Variants in GALNT12 observed in about 807,000 individuals in gnomAD.
GALNT12 encodes the protein UDP-GalNAc:polypeptide N-acetylgalactosaminyltransferase 12.
In GALNT12, 45 loss-of-function variants were observed where a neutral mutation model predicts 55.5. That is an observed-to-expected ratio of 0.81 (90% confidence interval 0.64 to 1.04). The LOEUF is 1.04. Among genes scored for constraint, GALNT12 ranks in the 50% least tolerant of loss-of-function variants. GALNT12 has a pLI of 0.00. For synonymous variants in GALNT12, 304 were observed against 312.2 expected (o/e 0.97, Z 0.28); for missense variants, 709 against 754.8 (o/e 0.94, Z 0.71).
intron 3 of GALNT12, 118 bp from the exon 4 acceptor site, chr9:98,831,654 C>A: frequency 1.7e-6 from 2 of 1,164,412 alleles, no homozygotes; most frequent in Non-Finnish European, 1.3e-6. Flanking sequence ...GCAGGTCTTT[C>A]TCAGATGTTC....
At chr9:98,831,715 G>T (rs1462541143) in intron 3 of GALNT12, 57 bp from the exon 4 acceptor site, 4 of 1,597,192 alleles carry the variant, frequency 2.5e-6, no homozygotes, top group Non-Finnish European at 3.4e-6. Flanking sequence ...TTTCCCAATT[G>T]TCTTCCTGCT....
chr9:98,831,088 G>A (rs1835982625), intron 3 of GALNT12, among the ~76,000 whole-genome samples: 1 of 152,216 alleles, frequency 6.6e-6, no homozygotes, highest in Non-Finnish European at 1.5e-5. Flanking sequence ...ATAATGTGGA[G>A]AGAACCGTTG....
At chr9:98,845,568 G>A (rs1836391254) in intron 8 of GALNT12, among the ~76,000 whole-genome samples, 1 of 152,112 alleles carries the variant, frequency 6.6e-6, no homozygotes, top group Admixed American at 6.5e-5. Flanking sequence ...GTCATATTGG[G>A]GGTTTGGGAG....
At position 98,849,883 on chromosome 9, in the gene GALNT12, T is replaced by C; in HGVS notation, c.*791T>C. On this transcript the variant is annotated 3_prime_UTR_variant, in exon 10 of 10. Transcript: ENST00000375011. Reference sequence around the variant, plus strand: ...GGTAGTGTCAGGGAGAAATGTAATGTTCTATATGAAATTCCTTTTTCAAGT... The same window carrying C: ...GGTAGTGTCAGGGAGAAATGTAATGCTCTATATGAAATTCCTTTTTCAAGT... The C allele has an allele frequency of 7.0e-6, 2 of 284,382 alleles. No homozygotes were observed. Among genetic ancestry groups the C allele is most frequent in the Non-Finnish European group, 1.3e-5 (2 of 154,014 alleles). The allele number at this position is 284,382 out of a possible 1,614,324, so 17.6% of individuals were successfully genotyped here.
rs2118526902 is a variant in GALNT12, at chr9:98,849,563, A to G, written c.*471A>G. The G allele has an allele frequency of 2.2e-6, 1 of 451,784 alleles. No individual in the cohort carries two copies. Among genetic ancestry groups the G allele is most frequent in the South Asian group, 6.5e-5 (1 of 15,348 alleles). 28.0% of individuals were successfully genotyped at this position (451,784 alleles called of 1,614,324 possible). A position where few individuals can be genotyped will look rare whatever the true frequency, so the allele number is the denominator to read the frequency against. ...TCAGCTGCGGGGTTAAAGTTTTCCCAGTATAGAGAGACTGTCACTAGGAAC... is the reference window on the plus strand; with the variant it reads ...TCAGCTGCGGGGTTAAAGTTTTCCCGGTATAGAGAGACTGTCACTAGGAAC... On this transcript the variant is annotated 3_prime_UTR_variant, in exon 10 of 10. Transcript: ENST00000375011.
chr9:98,831,257 A>G (rs1160508676), intron 3 of GALNT12, among the ~76,000 whole-genome samples: 1 of 152,138 alleles, frequency 6.6e-6, no homozygotes, highest in Non-Finnish European at 1.5e-5. Flanking sequence ...CCTCACATTA[A>G]CCCTCTGAAT....
Position 98,807,708 on chromosome 9 carries a change from C to A in GALNT12, c.10C>A (p.Arg4Ser). The A allele has an allele frequency of 8.7e-7, 1 of 1,155,990 alleles. No homozygotes were observed. Among genetic ancestry groups the A allele is most frequent in the Non-Finnish European group, 1.1e-6 (1 of 940,496 alleles). The allele number at this position is 1,155,990 out of a possible 1,614,324, so 71.6% of individuals were successfully genotyped here. Residue 4 changes from arginine (R) to serine (S), a missense_variant, in exon 1 of 10, where the codon CGC becomes AGC. Around this residue, in one of 5 missense-constraint regions of GALNT12, gnomAD observed 110 missense variants for 102.2 expected, o/e 1.08. Coordinates refer to ENST00000375011, the MANE Select transcript of GALNT12 (RefSeq NM_024642.5). MWG[R>S]TARRRCPREL... is the part of the protein sequence containing the mutation. ...TGCAGTTGGCGGGCGCATGTGGGGG[C>A]GCACGGCGCGGCGGCGCTGCCCGCG...
chr9:98,834,206 C>G (rs1029493931), intron 4 of GALNT12, among the ~76,000 whole-genome samples: 1 of 152,096 alleles, frequency 6.6e-6, no homozygotes, highest in African/African-American at 2.4e-5. Context: ...GCAACCTCTG[C>G]CTCCTGGATT....
chr9:98,841,973 C>T (rs1009315985), intron 7 of GALNT12, among the ~76,000 whole-genome samples: 17 of 152,074 alleles, frequency 1.1e-4, no homozygotes, highest in Non-Finnish European at 2.2e-4. Context: ...CCACCATGCC[C>T]GGCCAAGGCA....
chr9:98,809,373 G>A (rs10819320), intron 1 of GALNT12, among the ~76,000 whole-genome samples: 97,834 of 152,130 alleles, frequency 0.64, 32,152 homozygotes, highest in African/African-American at 0.77. Context: ...CCAGCCTAAC[G>A]CATGTTTAGC....
chr9:98,848,796 G>A (rs1472310144), intron 9 of GALNT12, 156 bp from the exon 10 acceptor site: 15 of 849,248 alleles, frequency 1.8e-5, no homozygotes, highest in Non-Finnish European at 2.1e-5. Flanking sequence ...CTGTGTCCCC[G>A]GGACAGTCCT....
At position 98,826,786 on chromosome 9, in the gene GALNT12, G is replaced by C. The variant is rs780652927; in HGVS notation, c.576G>C (p.Ser192=). The part of the protein sequence containing the change: ...HLKERLANEL[S]GLPKVRLIRA... ...AGGAGCGCTTGGCCAATGAGCTTTC[G>C]GGACTGCCCAAGGTGCGCCTGATCC... The change falls in exon 3 of 10, where the codon TCG becomes TCC. Residue 192 remains serine, a synonymous_variant. Transcript: ENST00000375011. The C allele has an allele frequency of 6.2e-7, 1 of 1,611,704 alleles. No homozygotes were observed. The highest frequency in any genetic ancestry group is 8.5e-7 in the Non-Finnish European group (1 of 1,179,844).
intron 1 of GALNT12, among the ~76,000 whole-genome samples, chr9:98,818,770 A>T (rs924720025): frequency 3.9e-5 from 6 of 152,166 alleles, no homozygotes; most frequent in African/African-American, 1.4e-4. Flanking sequence ...TATGGTATGT[A>T]TTACTGCAAA....
intron 4 of GALNT12, among the ~76,000 whole-genome samples, chr9:98,833,329 C>T (rs1291019124): frequency 1.3e-5 from 2 of 152,132 alleles, no homozygotes; most frequent in Non-Finnish European, 2.9e-5. Flanking sequence ...ATTCTTTCAC[C>T]AGAGTCCTGA....
chr9:98,815,093 A>T (rs1835581308), intron 1 of GALNT12, among the ~76,000 whole-genome samples: 1 of 152,212 alleles, frequency 6.6e-6, no homozygotes, highest in Admixed American at 6.5e-5. Context: ...TCTTTGTATG[A>T]TCAAAAGATG....
chr9:98,840,609 A>G (rs1240397118), intron 7 of GALNT12, among the ~76,000 whole-genome samples: 1 of 152,248 alleles, frequency 6.6e-6, no homozygotes, highest in Non-Finnish European at 1.5e-5. Flanking sequence ...GAATGACACC[A>G]GCTTAGCAAG....
chr9:98,820,322 C>G (rs151110860), intron 1 of GALNT12, among the ~76,000 whole-genome samples: 1 of 152,304 alleles, frequency 6.6e-6, no homozygotes, highest in Non-Finnish European at 1.5e-5. Context: ...ATTCAGTTCT[C>G]ACTTAAAAGT....
intron 3 of GALNT12, 96 bp from the exon 4 acceptor site, chr9:98,831,676 T>C (rs952467197): frequency 1.1e-5 from 15 of 1,348,364 alleles, no homozygotes; most frequent in East Asian, 7.0e-5. Flanking sequence ...TCCCTCTTAT[T>C]GGAAGGAAGA....
intron 3 of GALNT12, among the ~76,000 whole-genome samples, chr9:98,830,760 C>T (rs1220411799): frequency 2.0e-5 from 3 of 152,214 alleles, no homozygotes; most frequent in Non-Finnish European, 2.9e-5. Flanking sequence ...CCCTGTCTCA[C>T]GCAACCTGTT....
Sources: gnomAD v4.1 joint callset for allele counts (sites outside exome capture counted in the v4.1 genomes callset) on GRCh38, gnomAD v4.1.1 for gene constraint, gnomAD v4.1.1 regional missense constraint, MANE v1.5 for transcripts, NCBI Gene and HGNC (gene_info 2026-07-23, HGNC 2026-07-21) for gene names.